Variants in PTPRN2 observed in about 807,000 individuals in gnomAD.
PTPRN2 encodes protein tyrosine phosphatase receptor type N2, also known as receptor-type tyrosine-protein phosphatase N2.
In PTPRN2, 74 loss-of-function variants were observed where a neutral mutation model predicts 118.8. That is an observed-to-expected ratio of 0.62 (90% CI 0.52 to 0.76). The LOEUF (loss-of-function observed/expected upper bound fraction) is 0.76. Among genes scored for constraint, PTPRN2 ranks in the 30% least tolerant of loss-of-function variants. The pLI is 0.00. For synonymous variants in PTPRN2, 641 were observed against 608.0 expected (o/e 1.05, Z -0.80); for missense variants, 1,481 against 1,394.4 (o/e 1.06, Z -0.99).
At chr7:158,539,715 C>T (rs1295165308) in intron 1 of PTPRN2, 7 of 256,662 alleles carry the variant, frequency 2.7e-5, no homozygotes, top group African/African-American at 9.3e-5. Context: ...GAGTTGGTGA[C>T]GGCTGGGGAC....
intron 11 of PTPRN2, among the ~76,000 whole-genome samples, chr7:157,902,222 C>T (rs866532760): frequency 1.7e-4 from 26 of 152,370 alleles, no homozygotes; most frequent in Middle Eastern, 6.8e-3. Flanking sequence ...GCAGAACTTC[C>T]GGAAAGGGCG....
In PTPRN2 at chr7:157,808,740, C is replaced by A. The variant is rs1346817898; in HGVS notation, c.1788+89933G>T. 2.0e-5 allele frequency among the ~76,000 whole-genome samples: 3 copies of A among 152,208 alleles called. No individual in the cohort carries two copies. The highest frequency in any genetic ancestry group is 2.0e-4 in the Admixed American group (3 of 15,284). ...CCCCCAACCTTGGTCCATGGAAAAA[C>A]CGTCTTCCATGGAACAGGTCCCTGG... On this transcript the variant is annotated intron_variant, in intron 12 of 22. Coordinates refer to ENST00000389418, the MANE Select transcript of PTPRN2 (RefSeq NM_002847.5). The surrounding 1 kb of genome is among the most constrained non-coding windows in gnomAD (Gnocchi z 5.0).
chr7:158,293,756 T>TAA (rs35511035), intron 3 of PTPRN2, among the ~76,000 whole-genome samples: 2,696 of 146,932 alleles, frequency 0.018, 74 homozygotes, highest in African/African-American at 0.054. Context: ...ACTTTTTTGT[T>TAA]AAAAAAAAAA....
chr7:158,391,639 C>G (rs1402348746), intron 2 of PTPRN2, among the ~76,000 whole-genome samples: 17 of 152,214 alleles, frequency 1.1e-4, no homozygotes, highest in Non-Finnish European at 1.8e-4. Flanking sequence ...CCTTGAGATG[C>G]AGGCCCAACC....
chr7:157,907,706 T>C (rs982434197), intron 11 of PTPRN2, among the ~76,000 whole-genome samples: 6 of 151,008 alleles, frequency 4.0e-5, no homozygotes, highest in African/African-American at 1.5e-4. Context: ...GTGTGGGGTG[T>C]CCTGGGTGGC....
At chr7:157,820,009 C>T (rs1366760556) in intron 12 of PTPRN2, among the ~76,000 whole-genome samples, 1 of 150,492 alleles carries the variant, frequency 6.6e-6, no homozygotes, top group African/African-American at 2.4e-5. Flanking sequence ...AGAGGCACTC[C>T]ACACACACAT....
intron 1 of PTPRN2, among the ~76,000 whole-genome samples, chr7:158,556,282 G>A (rs1027530669): frequency 6.6e-6 from 1 of 152,188 alleles, no homozygotes; most frequent in Non-Finnish European, 1.5e-5. Context: ...GGCTGGGCAT[G>A]GTGGCTTACA....
intron 4 of PTPRN2, among the ~76,000 whole-genome samples, chr7:158,195,942 G>A (rs1188718402): frequency 6.6e-6 from 1 of 152,034 alleles, no homozygotes; most frequent in African/African-American, 2.4e-5. Flanking sequence ...AAGTTCCTTG[G>A]GACCAGTTCA....
At chr7:158,428,384 C>T (rs543907405) in intron 2 of PTPRN2, among the ~76,000 whole-genome samples, 2 of 152,178 alleles carry the variant, frequency 1.3e-5, no homozygotes, top group Admixed American at 1.3e-4. Flanking sequence ...GGGAAGTCAC[C>T]GGGTTGTCCT....
chr7:158,150,487 C>A (rs1275160122), intron 6 of PTPRN2, among the ~76,000 whole-genome samples: 1 of 152,182 alleles, frequency 6.6e-6, no homozygotes, highest in Admixed American at 6.5e-5. Context: ...GTGTCCCCTG[C>A]ACTGACCTTC....
At chr7:158,057,564 G>T (rs79298592) in intron 11 of PTPRN2, among the ~76,000 whole-genome samples, 50 of 152,304 alleles carry the variant, frequency 3.3e-4, no homozygotes, top group African/African-American at 9.9e-4. Flanking sequence ...CACACGTAAC[G>T]CTGTGGCACT....
intron 11 of PTPRN2, among the ~76,000 whole-genome samples, chr7:157,912,754 C>A (rs1276146549): frequency 3.3e-5 from 5 of 152,108 alleles, no homozygotes; most frequent in African/African-American, 1.2e-4. Context: ...CTTGTAAAGG[C>A]CATCCTTCCC....
intron 2 of PTPRN2, among the ~76,000 whole-genome samples, chr7:158,320,867 C>T (rs1226699975): frequency 2.0e-5 from 3 of 152,124 alleles, no homozygotes; most frequent in Non-Finnish European, 4.4e-5. Flanking sequence ...TAAGGGGATA[C>T]TGGATTCCCC....
intron 2 of PTPRN2, among the ~76,000 whole-genome samples, chr7:158,461,338 A>G (rs1818967375): frequency 6.6e-6 from 1 of 152,120 alleles, no homozygotes; most frequent in African/African-American, 2.4e-5. Context: ...TACTAAAAAT[A>G]CAAAAAAATT....
At chr7:158,480,996 T>C (rs1820603318) in intron 2 of PTPRN2, among the ~76,000 whole-genome samples, 1 of 152,236 alleles carries the variant, frequency 6.6e-6, no homozygotes, top group South Asian at 2.1e-4. Flanking sequence ...GTGGCTGCTC[T>C]AACAACAGAT....
chr7:158,155,567 G>GTCATCATCACCATCA (rs1563529119), intron 6 of PTPRN2, among the ~76,000 whole-genome samples: 11 of 8,494 alleles, frequency 1.3e-3, no homozygotes, highest in Non-Finnish European at 2.3e-3. Context: ...CATCATCATT[G>GTCATCATCACCATCA]CCATCATCAC....
intron 2 of PTPRN2, among the ~76,000 whole-genome samples, chr7:158,329,385 T>A (rs1159020081): frequency 2.0e-5 from 3 of 152,096 alleles, no homozygotes; most frequent in Non-Finnish European, 4.4e-5. Context: ...CCCATGAGGC[T>A]CCTCCTCCAT....
chr7:158,305,792 C>CAA (rs113374723), intron 3 of PTPRN2, among the ~76,000 whole-genome samples: 1,423 of 116,216 alleles, frequency 0.012, 21 homozygotes, highest in African/African-American at 0.04. Context: ...GCAATTTACT[C>CAA]AAAAAAAAAA....
In PTPRN2 at chr7:157,844,338, C is replaced by G. The variant is rs532281258; in HGVS notation, c.1788+54335G>C. Among the ~76,000 whole-genome samples the G allele has an allele frequency of 1.8e-3, 279 of 152,380 alleles. 2 individuals are homozygous for G. Among genetic ancestry groups the G allele is most frequent in the African/African-American group, 6.4e-3 (267 of 41,590 alleles). ...AGCCGTCCAGGCCCCAGCCCCATCC[C>G]CAGCCTGCACCCTCCAGGCAGCTGA... On this transcript the variant is annotated intron_variant, in intron 12 of 22. Coordinates refer to ENST00000389418, the MANE Select transcript of PTPRN2 (RefSeq NM_002847.5).
Sources: gnomAD v4.1 joint callset for allele counts (sites outside exome capture counted in the v4.1 genomes callset) on GRCh38, gnomAD v4.1.1 for gene constraint, Gnocchi (gnomAD v3.1) non-coding constraint, MANE v1.5 for transcripts, NCBI Gene and HGNC (gene_info 2026-07-23, HGNC 2026-07-21) for gene names.